The following TOGARAM2 variants were observed in gnomAD, a reference collection of about 807,000 sequenced individuals.
TOGARAM2 encodes TOG array regulator of axonemal microtubules 2.
In TOGARAM2, 85 loss-of-function variants were observed where a neutral mutation model predicts 93.3. That is an observed-to-expected ratio of 0.91 (90% CI 0.76 to 1.09). The LOEUF (loss-of-function observed/expected upper bound fraction) is 1.09. TOGARAM2 is among the 50% of genes least tolerant of loss of function. TOGARAM2 has a pLI of 0.00. For synonymous variants in TOGARAM2, 593 were observed against 552.8 expected (o/e 1.07, Z -1.02); for missense variants, 1,277 against 1,334.5 (o/e 0.96, Z 0.67).
chr2:29,015,909 C>A (rs1460160717), intron 8 of TOGARAM2, among the ~76,000 whole-genome samples: 1 of 152,138 alleles, frequency 6.6e-6, no homozygotes, highest in East Asian at 1.9e-4. Context: ...TTTATACTGA[C>A]CCGCTAGGTC....
chr2:29,003,996 T>C (rs1204312062), intron 6 of TOGARAM2, among the ~76,000 whole-genome samples: 1 of 152,228 alleles, frequency 6.6e-6, no homozygotes, highest in African/African-American at 2.4e-5. Flanking sequence ...AATTATTTTA[T>C]CTCATATATA....
chr2:29,028,606 G>A (rs899611889), intron 14 of TOGARAM2, among the ~76,000 whole-genome samples: 1 of 151,910 alleles, frequency 6.6e-6, no homozygotes, highest in Admixed American at 6.5e-5. Context: ...CTTTACATGC[G>A]TGTTAGCCTT....
At chr2:29,022,509 C>T (rs944506014) in intron 11 of TOGARAM2, among the ~76,000 whole-genome samples, 1 of 152,150 alleles carries the variant, frequency 6.6e-6, no homozygotes, top group Non-Finnish European at 1.5e-5. Flanking sequence ...TGTGGTGTTC[C>T]TGGCTTTATG....
chr2:28,962,191 T>A (rs1437998937), intron 1 of TOGARAM2, among the ~76,000 whole-genome samples: 1 of 151,940 alleles, frequency 6.6e-6, no homozygotes, highest in African/African-American at 2.4e-5. Flanking sequence ...TTTTTTTTTT[T>A]TTGAGACAGA....
In TOGARAM2 at chr2:29,002,629, C is replaced by T. The variant is rs368321465; in HGVS notation, c.521C>T (p.Pro174Leu). ...TSQRLLRVPRPMPLIQSIPTT... is the reference protein window; with the variant it reads ...TSQRLLRVPRLMPLIQSIPTT... ...CAGAGGCTGCTGAGGGTGCCCAGGC[C>T]GATGCCTCTCATCCAGAGCATCCCT... Residue 174 changes from proline (P) to leucine (L), a missense_variant, in exon 5 of 20, where the codon CCG becomes CTG. Coordinates refer to ENST00000379558, the MANE Select transcript of TOGARAM2 (RefSeq NM_199280.4). 1.4e-5 allele frequency: 23 copies of T among 1,613,836 alleles called. No individual in the cohort carries two copies. In the African/African-American group the frequency reaches 2.0e-4, roughly 14 times the overall value.
intron 7 of TOGARAM2, among the ~76,000 whole-genome samples, chr2:29,013,446 G>C (rs1447977094): frequency 1.3e-5 from 2 of 152,202 alleles, no homozygotes; most frequent in Non-Finnish European, 2.9e-5. Flanking sequence ...CTGGGGAAGA[G>C]AGAGGCTGGT....
chr2:29,018,614 G>C (rs1409859391), intron 10 of TOGARAM2: 2 of 152,132 alleles, frequency 1.3e-5, no homozygotes, highest in Admixed American at 6.5e-5. Flanking sequence ...TCATGGACTA[G>C]AGCATAATTT....
chr2:28,975,070 T>A (rs1672005124), intron 1 of TOGARAM2, among the ~76,000 whole-genome samples: 1 of 152,100 alleles, frequency 6.6e-6, no homozygotes. Context: ...TTTTCTTTCT[T>A]AAATTTTTTT....
At chr2:29,031,438 C>T (rs1665761388) in intron 14 of TOGARAM2, among the ~76,000 whole-genome samples, 1 of 152,160 alleles carries the variant, frequency 6.6e-6, no homozygotes, top group Non-Finnish European at 1.5e-5. Flanking sequence ...CACTATGAGC[C>T]TTTCTTTGTA....
At chr2:29,006,697 T>A (rs1663899108) in intron 6 of TOGARAM2, among the ~76,000 whole-genome samples, 1 of 152,146 alleles carries the variant, frequency 6.6e-6, no homozygotes, top group South Asian at 2.1e-4. Flanking sequence ...TCCGACCCTG[T>A]GGGTTATAGA....
intron 10 of TOGARAM2, among the ~76,000 whole-genome samples, chr2:29,021,742 T>C (rs1217350693): frequency 2.0e-5 from 3 of 152,110 alleles, no homozygotes; most frequent in Non-Finnish European, 4.4e-5. Flanking sequence ...AGGCCTCTGG[T>C]TGGGAATGAG....
At chr2:29,022,999 G>C in intron 11 of TOGARAM2, 87 bp from the exon 12 acceptor site, 1 of 1,061,034 alleles carries the variant, frequency 9.4e-7, no homozygotes, top group Non-Finnish European at 1.4e-6. Flanking sequence ...GACCGTGATG[G>C]TGTGTGATGT....
intron 13 of TOGARAM2, among the ~76,000 whole-genome samples, chr2:29,025,077 G>A (rs568526996): frequency 3.3e-5 from 5 of 152,310 alleles, no homozygotes; most frequent in Admixed American, 6.5e-5. Context: ...ACACTGATGC[G>A]TGAGGTTTCT....
At chr2:29,051,634 C>A (rs1209653023) in intron 19 of TOGARAM2, 122 bp from the exon 20 acceptor site, 6 of 680,750 alleles carry the variant, frequency 8.8e-6, no homozygotes, top group African/African-American at 7.2e-5. Flanking sequence ...GTGTCATGAT[C>A]CTTAGTTGCT....
chr2:28,984,529 T>A (rs890613160), intron 1 of TOGARAM2, among the ~76,000 whole-genome samples: 6 of 152,226 alleles, frequency 3.9e-5, no homozygotes, highest in East Asian at 1.9e-4. Context: ...TCCTAGTCCC[T>A]TCTGATCCTC....
At chr2:29,010,966 C>T (rs527435612) in intron 6 of TOGARAM2, among the ~76,000 whole-genome samples, 8 of 152,180 alleles carry the variant, frequency 5.3e-5, no homozygotes, top group East Asian at 1.9e-4. Flanking sequence ...GGATCAGCTC[C>T]GCCCCCCAGG....
At chr2:28,999,715 G>A (rs1261610179) in intron 4 of TOGARAM2, among the ~76,000 whole-genome samples, 2 of 152,166 alleles carry the variant, frequency 1.3e-5, no homozygotes, top group Non-Finnish European at 1.5e-5. Context: ...TTCTAGTCTT[G>A]CTCCAGAAGG....
chr2:29,014,529 AAAG>A lies in TOGARAM2; in HGVS notation c.1017_1019del (p.Glu340del). 6.4e-7 allele frequency: 1 copy of A among 1,572,162 alleles called. No individual in the cohort carries two copies. The highest frequency in any genetic ancestry group is 2.3e-5 in the East Asian group (1 of 42,592). On this transcript the variant is annotated inframe_deletion, in exon 8 of 20. Transcript: ENST00000379558. ...TGCCAGAGAAGCCTGCCCTCCGCTGAAAGAAGAGGACCAGAAGGAGATCGGCAC... is the reference window on the plus strand; with the variant it reads ...TGCCAGAGAAGCCTGCCCTCCGCTGAAAGAGGACCAGAAGGAGATCGGCAC...
chr2:29,014,216 G>C (rs1480998442), intron 7 of TOGARAM2, among the ~76,000 whole-genome samples, 179 bp from the exon 8 acceptor site: 1 of 152,198 alleles, frequency 6.6e-6, no homozygotes, highest in Non-Finnish European at 1.5e-5. Flanking sequence ...CTGGTCCACA[G>C]GTAGTCTGTC....
Sources: gnomAD v4.1 joint callset for allele counts (sites outside exome capture counted in the v4.1 genomes callset) on GRCh38, gnomAD v4.1.1 for gene constraint, MANE v1.5 for transcripts, NCBI Gene and HGNC (gene_info 2026-07-23, HGNC 2026-07-21) for gene names.